Variants in SLC2A12 observed in about 807,000 individuals in gnomAD.
SLC2A12 encodes the protein solute carrier family 2 member 12, also known as solute carrier family 2, facilitated glucose transporter member 12.
A neutral mutation model predicts 41.8 loss-of-function variants in SLC2A12; 23 were observed. That is an observed-to-expected ratio of 0.55 (90% CI 0.40 to 0.78). The LOEUF (loss-of-function observed/expected upper bound fraction) is 0.78. SLC2A12 is among the 30% of genes least tolerant of loss of function. The pLI is 0.00. For synonymous variants in SLC2A12, 295 were observed against 285.9 expected, an observed-to-expected ratio of 1.03 and a Z score of -0.32; for missense variants, 654 against 745.6, an observed-to-expected ratio of 0.88 and a Z score of 1.43.
chr6:134,037,536 G>T (rs894322225), intron 1 of SLC2A12, among the ~76,000 whole-genome samples: 7 of 151,910 alleles, frequency 4.6e-5, no homozygotes, highest in African/African-American at 1.7e-4. Context: ...TGTATTTTTA[G>T]TAGAGACGGG....
chr6:133,994,698 C>G (rs189659463), intron 4 of SLC2A12, among the ~76,000 whole-genome samples: 1 of 152,020 alleles, frequency 6.6e-6, no homozygotes, highest in African/African-American at 2.4e-5. Flanking sequence ...CCAACCTGGG[C>G]GACAGAGCGA....
intron 4 of SLC2A12, among the ~76,000 whole-genome samples, chr6:133,997,112 C>T (rs1776706380): frequency 9.4e-6 from 1 of 105,908 alleles, no homozygotes; most frequent in Non-Finnish European, 1.9e-5. Flanking sequence ...AAAAAAAAAG[C>T]CGGGCGTGGC....
At chr6:134,001,005 A>C (rs1442609925) in intron 4 of SLC2A12, among the ~76,000 whole-genome samples, 3 of 152,100 alleles carry the variant, frequency 2.0e-5, no homozygotes, top group Admixed American at 6.5e-5. Context: ...TTCCTAGCCC[A>C]GTGTGAACAT....
At chr6:133,997,641 C>T (rs957128527) in intron 4 of SLC2A12, among the ~76,000 whole-genome samples, 11 of 152,154 alleles carry the variant, frequency 7.2e-5, no homozygotes, top group East Asian at 5.8e-4. Flanking sequence ...GACACTGAGA[C>T]GACTGGAGAG....
chr6:134,031,367 G>A (rs554529805), intron 1 of SLC2A12, among the ~76,000 whole-genome samples: 5 of 151,958 alleles, frequency 3.3e-5, no homozygotes, highest in Admixed American at 1.3e-4. Flanking sequence ...ACTCCACCCC[G>A]GGCAACAGAG....
rs76478450 is a variant in SLC2A12 at position 134,031,721 on chromosome 6, T to C, written c.104-2000A>G. 5.9e-3 allele frequency among the ~76,000 whole-genome samples: 904 copies of C among 152,342 alleles called. 14 individuals carry two copies. The highest frequency in any genetic ancestry group is 0.02 in the African/African-American group (845 of 41,574). ...ATTTTGGACTTAGTAAAATGGTTTATTTATTTTATCTGTAAGACATTCAGG... is the reference window on the plus strand; with the variant it reads ...ATTTTGGACTTAGTAAAATGGTTTACTTATTTTATCTGTAAGACATTCAGG... On this transcript the variant is annotated intron_variant, in intron 1 of 4. Transcript: ENST00000275230.
At chr6:134,027,251 G>A (rs1430825442) in intron 2 of SLC2A12, among the ~76,000 whole-genome samples, 1 of 152,190 alleles carries the variant, frequency 6.6e-6, no homozygotes, top group Non-Finnish European at 1.5e-5. Flanking sequence ...AGCAGTGGAT[G>A]ACTAAAGCAA....
At chr6:134,040,628 G>A (rs572410195) in intron 1 of SLC2A12, among the ~76,000 whole-genome samples, 16 of 152,290 alleles carry the variant, frequency 1.1e-4, no homozygotes, top group Admixed American at 5.2e-4. Context: ...CAGGAATTAC[G>A]TTCCCTCACA....
Position 134,028,974 on chromosome 6 carries a change from G to A in SLC2A12, c.851C>T (p.Thr284Ile). ...AGTGATTTGTACAAAAAATACTAGTGTTAGTCCTATCATTATTCGGGTCCG... is the reference window on the plus strand; with the variant it reads ...AGTGATTTGTACAAAAAATACTAGTATTAGTCCTATCATTATTCGGGTCCG... The part of the protein sequence containing the change: ...NMRTRIMIGL[T>I]LVFFVQITGQ... The change falls in exon 2 of 5, where the codon ACA (threonine) becomes ATA (isoleucine). Residue 284 changes from threonine to isoleucine, a missense_variant. By Grantham distance (89) the Thr-to-Ile change is moderately conservative. Transcript: ENST00000275230. 6.2e-7 allele frequency: 1 copy of A among 1,614,198 alleles called. No individual in the cohort carries two copies.
chr6:134,043,643 T>A (rs1582627558), intron 1 of SLC2A12, among the ~76,000 whole-genome samples: 1 of 151,760 alleles, frequency 6.6e-6, no homozygotes, highest in African/African-American at 2.4e-5. Flanking sequence ...AATACAAAAA[T>A]TAGCAAGGTG....
intron 2 of SLC2A12, among the ~76,000 whole-genome samples, chr6:134,016,613 G>C (rs182752752): frequency 6.6e-5 from 10 of 151,382 alleles, no homozygotes; most frequent in Non-Finnish European, 1.5e-4. Context: ...GCTTTGCTAT[G>C]GATAATAAAC....
chr6:134,001,970 T>C, intron 4 of SLC2A12, 27 bp downstream of exon 4: 1 of 1,601,850 alleles, frequency 6.2e-7, no homozygotes, highest in Non-Finnish European at 8.5e-7. Context: ...AGAGTATTGT[T>C]CAGAAACCAA....
At chr6:134,046,937 T>A (rs919776524) in intron 1 of SLC2A12, among the ~76,000 whole-genome samples, 7 of 152,152 alleles carry the variant, frequency 4.6e-5, no homozygotes, top group Admixed American at 6.5e-5. Flanking sequence ...GAAAAAAAAT[T>A]TGAATTTATG....
At chr6:134,042,065 AGTT>A (rs1777389423) in intron 1 of SLC2A12, among the ~76,000 whole-genome samples, 1 of 152,252 alleles carries the variant, frequency 6.6e-6, no homozygotes, top group Non-Finnish European at 1.5e-5. Flanking sequence ...TGGGATGGAA[AGTT>A]GTTTTTTAAA....
At chr6:134,002,645 A>G (rs1776767102) in intron 3 of SLC2A12, among the ~76,000 whole-genome samples, 1 of 152,094 alleles carries the variant, frequency 6.6e-6, no homozygotes, top group African/African-American at 2.4e-5. Flanking sequence ...TTTTTCTTGG[A>G]ATGAGCTCAC....
Position 134,034,980 on chromosome 6 carries a change from G to A in SLC2A12, c.104-5259C>T, listed in dbSNP as rs577856226. Among the ~76,000 whole-genome samples the A allele has an allele frequency of 5.3e-5, 8 of 152,094 alleles. No individual in the cohort carries two copies. In the South Asian group the frequency reaches 1.7e-3, roughly 32 times the overall value. ...GCTTTTTGTGGACATTACAGAAGTG[G>A]AAACTACCTGGAGGCTTGTAAGTGG... On this transcript the variant is annotated intron_variant, in intron 1 of 4. Transcript: ENST00000275230.
Position 134,011,624 on chromosome 6 carries a change from C to G in SLC2A12, c.1445-4690G>C, listed in dbSNP as rs141345966. ...AATTTCTTTTTATTTACTCTAAGAGCTTCCAAGAGTTTTTCTGAATTAAGT... is the reference window on the plus strand; with the variant it reads ...AATTTCTTTTTATTTACTCTAAGAGGTTCCAAGAGTTTTTCTGAATTAAGT... On this transcript the variant is annotated intron_variant, in intron 2 of 4. Coordinates refer to ENST00000275230, the MANE Select transcript of SLC2A12 (RefSeq NM_145176.3). 3.5e-3 allele frequency among the ~76,000 whole-genome samples: 526 copies of G among 152,182 alleles called. 2 individuals carry two copies. The highest frequency in any genetic ancestry group is 0.012 in the African/African-American group (478 of 41,524).
chr6:134,035,508 C>A (rs1299399737), intron 1 of SLC2A12, among the ~76,000 whole-genome samples: 1 of 152,212 alleles, frequency 6.6e-6, no homozygotes. Flanking sequence ...TTTGTTCAAT[C>A]ACATTTCTAC....
At chr6:134,046,554 A>G (rs1777456391) in intron 1 of SLC2A12, among the ~76,000 whole-genome samples, 2 of 152,178 alleles carry the variant, frequency 1.3e-5, no homozygotes, top group Non-Finnish European at 1.5e-5. Flanking sequence ...TAATCCCAGC[A>G]CTTTGGGAGG....
Sources: allele counts gnomAD v4.1 joint callset (sites outside exome capture counted in the v4.1 genomes callset), GRCh38; gene constraint gnomAD v4.1.1; transcripts MANE v1.5; gene names NCBI Gene and HGNC (gene_info 2026-07-23, HGNC 2026-07-21).